MATCAP2: variants seen among roughly 807,000 people sequenced by gnomAD.
The protein encoded by MATCAP2 is putative tyrosine carboxypeptidase MATCAP2.
the MATCAP2 span, among the ~76,000 whole-genome samples, chr7:36,387,012 A>T: frequency 3.3e-5 from 5 of 152,224 alleles, no homozygotes; most frequent in African/African-American, 1.2e-4. Flanking sequence ...TTAACAGGAT[A>T]ATGGGTACAT....
chr7:36,383,919 T>C, the MATCAP2 span: 7 of 1,568,864 alleles, frequency 4.5e-6, no homozygotes, highest in South Asian at 2.5e-5. Context: ...GGTCTTGGCC[T>C]TTTCTCTCCC....
the MATCAP2 span, among the ~76,000 whole-genome samples, chr7:36,372,367 T>C: frequency 6.6e-6 from 1 of 152,114 alleles, no homozygotes; most frequent in Admixed American, 6.6e-5. Context: ...GAATTGGTTT[T>C]TCCTTGGCTT....
chr7:36,360,582 A>G, the MATCAP2 span, among the ~76,000 whole-genome samples: 2 of 152,218 alleles, frequency 1.3e-5, no homozygotes, highest in African/African-American at 4.8e-5. Context: ...AGTGGGGCAC[A>G]TGGTCCTTCA....
the MATCAP2 span, among the ~76,000 whole-genome samples, chr7:36,371,753 G>T: frequency 9.2e-5 from 14 of 151,494 alleles, no homozygotes; most frequent in South Asian, 4.2e-4. Flanking sequence ...TTTCACTTTG[G>T]TTTTTTTTGT....
chr7:36,377,583 G>A, the MATCAP2 span, among the ~76,000 whole-genome samples: 3 of 151,928 alleles, frequency 2.0e-5, no homozygotes, highest in African/African-American at 7.3e-5. Flanking sequence ...TGTGTCTCAG[G>A]GTTGCTCTTC....
chr7:36,348,503 C>A, the MATCAP2 span, among the ~76,000 whole-genome samples: 1 of 152,336 alleles, frequency 6.6e-6, no homozygotes, highest in Non-Finnish European at 1.5e-5. Context: ...AACTTGACCC[C>A]TGGGTCACAA....
At chr7:36,362,267 C>T in the MATCAP2 span, among the ~76,000 whole-genome samples, 1,368 of 152,238 alleles carry the variant, frequency 9.0e-3, 8 homozygotes, top group Non-Finnish European at 0.014. Context: ...TGTAGTTTAT[C>T]GACTGTATGA....
the MATCAP2 span, among the ~76,000 whole-genome samples, chr7:36,375,425 C>A: frequency 6.6e-6 from 1 of 152,074 alleles, no homozygotes; most frequent in East Asian, 1.9e-4. Flanking sequence ...AGCCTTGTAT[C>A]CCAGGGATGA....
At chr7:36,325,876 T>C in the MATCAP2 span, 3 of 152,024 alleles carry the variant, frequency 2.0e-5, no homozygotes, top group Non-Finnish European at 2.9e-5. Flanking sequence ...TCAAGTTTAC[T>C]GCAGGTGCTA....
chr7:36,389,429 C>A, the MATCAP2 span, among the ~76,000 whole-genome samples: 1 of 151,780 alleles, frequency 6.6e-6, no homozygotes, highest in South Asian at 2.1e-4. Flanking sequence ...GTAGTGAGAT[C>A]GCAGCTCACT....
the MATCAP2 span, among the ~76,000 whole-genome samples, chr7:36,330,673 G>T: frequency 2.5e-3 from 378 of 152,198 alleles, 2 homozygotes; most frequent in Non-Finnish European, 4.6e-3. Flanking sequence ...GAGATATTAT[G>T]GGGGGAAGTG....
the MATCAP2 span, among the ~76,000 whole-genome samples, chr7:36,377,768 A>G: frequency 2.4e-3 from 371 of 152,298 alleles, 1 homozygote; most frequent in African/African-American, 7.9e-3. Context: ...TTTTCCACAT[A>G]GTCCCATATT....
At chr7:36,361,257 G>A in the MATCAP2 span, among the ~76,000 whole-genome samples, 1 of 152,144 alleles carries the variant, frequency 6.6e-6, no homozygotes, top group African/African-American at 2.4e-5. Flanking sequence ...GGTACCTCCC[G>A]TTCCCCATCT....
the MATCAP2 span, among the ~76,000 whole-genome samples, chr7:36,365,509 G>A: frequency 6.6e-6 from 1 of 152,182 alleles, no homozygotes; most frequent in African/African-American, 2.4e-5. Context: ...AGACCAGCCT[G>A]GCCAACATGG....
chr7:36,380,634 G>A, the MATCAP2 span, among the ~76,000 whole-genome samples: 1 of 152,172 alleles, frequency 6.6e-6, no homozygotes, highest in East Asian at 1.9e-4. Context: ...AAGAAAGGAC[G>A]ATGGCAGGAT....
the MATCAP2 span, among the ~76,000 whole-genome samples, chr7:36,389,649 G>A: frequency 2.0e-5 from 3 of 152,240 alleles, no homozygotes; most frequent in East Asian, 5.8e-4. Flanking sequence ...ACCCGACGCC[G>A]TTGGAGAGCA....
chr7:36,375,964 T>A, the MATCAP2 span, among the ~76,000 whole-genome samples: 1 of 152,228 alleles, frequency 6.6e-6, no homozygotes, highest in Admixed American at 6.5e-5. Flanking sequence ...TTGCATCTAT[T>A]TGATTATTCT....
the MATCAP2 span, among the ~76,000 whole-genome samples, chr7:36,381,108 G>C: frequency 6.6e-6 from 1 of 152,096 alleles, no homozygotes; most frequent in Non-Finnish European, 1.5e-5. Context: ...TTTCAGTTAG[G>C]GCCCAAAGCT....
the MATCAP2 span, among the ~76,000 whole-genome samples, chr7:36,381,356 T>A: frequency 6.6e-6 from 1 of 151,818 alleles, no homozygotes; most frequent in Non-Finnish European, 1.5e-5. Flanking sequence ...GTTGGAAGGT[T>A]TGAGGAATGT....
Sources: gnomAD v4.1 joint callset for allele counts (sites outside exome capture counted in the v4.1 genomes callset) on GRCh38, gnomAD v4.1.1 for gene constraint, MANE v1.5 for transcripts, NCBI Gene and HGNC (gene_info 2026-07-23, HGNC 2026-07-21) for gene names.